CPSF4: variants seen among roughly 807,000 people sequenced by gnomAD.
The protein encoded by CPSF4 is cleavage and polyadenylation specificity factor subunit 4.
CPSF4 carries 11 observed loss-of-function variants against 37.7 expected under a neutral mutation model. The observed-to-expected ratio is 0.29, with a 90% CI of 0.18 to 0.48. CPSF4 has a LOEUF of 0.48. Ranked by LOEUF, CPSF4 falls within the 20% of genes least tolerant of loss-of-function variation. The pLI is 0.99. For synonymous variants in CPSF4, 132 were observed against 135.9 expected, an observed-to-expected ratio of 0.97 and a Z score of 0.20; for missense variants, 144 against 359.5, an observed-to-expected ratio of 0.40 and a Z score of 4.85.
chr7:99,448,148 G>C lies in CPSF4; in HGVS notation c.182G>C (p.Ser61Thr), dbSNP rs563837153. ...KGGMCPFRHI[S>T]GEKTVVCKHW... ...GGCATGTGTCCGTTTCGCCACATCA[G>C]TGGTGAGAAGACAGTTGTGTGCAAA... The change falls in exon 3 of 8, where the codon AGT becomes ACT. Residue 61 changes from serine to threonine, a missense_variant. Transcript: ENST00000292476. The surrounding 1 kb of genome is among the most constrained non-coding windows in gnomAD (Gnocchi z 4.4). The C allele has an allele frequency of 2.5e-6, 4 of 1,614,204 alleles. No individual in the cohort carries two copies. The highest frequency in any genetic ancestry group is 1.7e-5 in the Admixed American group (1 of 60,024).
rs758998260 is a variant in CPSF4 at position 99,450,814 on chromosome 7, C to T, written c.497+19C>T. The stretch of plus-strand genomic sequence containing the variant: ...TCATGCAGTGAGTAGCCAGCTGCTC[C>T]GCCCTCTACCCCAGCTCCCGGCCCA... On this transcript the variant is annotated intron_variant, in intron 5 of 7. Transcript: ENST00000292476. The T allele has an allele frequency of 3.2e-6, 5 of 1,571,756 alleles. No individual in the cohort carries two copies. The highest frequency in any genetic ancestry group is 1.9e-4 in the Middle Eastern group (1 of 5,148).
In CPSF4 at chr7:99,453,843, G is replaced by A. The variant is rs1004401760; in HGVS notation, c.571-123G>A. ...GCTGCCCACTGTCCTGAGGTGGGCC[G>A]TCGTGGAAGCCCTGCTTCCTGCCGT... On this transcript the variant is annotated intron_variant, in intron 6 of 7. Transcript: ENST00000292476. The surrounding 1 kb of genome is among the most constrained non-coding windows in gnomAD (Gnocchi z 4.7). The A allele has an allele frequency of 3.3e-5, 29 of 873,630 alleles. No individual in the cohort carries two copies. Among genetic ancestry groups the A allele is most frequent in the African/African-American group, 3.0e-4 (18 of 59,650 alleles). 54.1% of individuals were successfully genotyped at this position (873,630 alleles called of 1,614,324 possible).
At position 99,453,895 on chromosome 7, in the gene CPSF4, T is replaced by C; in HGVS notation, c.571-71T>C. The stretch of plus-strand genomic sequence containing the variant: ...TGCGGGACGAGTCCCGCCCTCTTTT[T>C]TCCTGTCCCCATCGGTAGTCTGCGT... On this transcript the variant is annotated intron_variant, in intron 6 of 7. Transcript: ENST00000292476. This position sits in a 1 kb window ranked among gnomAD's most constrained non-coding sequence, Gnocchi z 4.7. 1 of 1,485,248 alleles carries C rather than the reference T, an allele frequency of 6.7e-7. No individual in the cohort carries two copies. Among genetic ancestry groups the C allele is most frequent in the South Asian group, 1.2e-5 (1 of 82,260 alleles). The allele number at this position is 1,485,248 out of a possible 1,614,324, so 92.0% of individuals were successfully genotyped here. A position where few individuals can be genotyped will look rare whatever the true frequency, so the allele number is the denominator to read the frequency against.
intron 1 of CPSF4, chr7:99,439,504 C>A: frequency 6.8e-6 from 2 of 293,410 alleles, no homozygotes; most frequent in Non-Finnish European, 1.3e-5. Flanking sequence ...GACTCCCAGG[C>A]CCCCATTTCC....
chr7:99,439,326 A>T, intron 1 of CPSF4, 141 bp downstream of exon 1: 1 of 598,640 alleles, frequency 1.7e-6, no homozygotes. Flanking sequence ...CTTTGGTCGC[A>T]GGACTCCTCC....
In CPSF4 at chr7:99,438,953, GGGCGGCGGC is replaced by G. The variant is rs545009584; in HGVS notation, c.-116_-108del. The G allele has an allele frequency of 1.0e-5, 14 of 1,346,848 alleles. No homozygotes were observed. Among genetic ancestry groups the G allele is most frequent in the Middle Eastern group, 5.3e-4 (2 of 3,774 alleles). 83.4% of individuals were successfully genotyped at this position (1,346,848 alleles called of 1,614,324 possible). ...GCTCCGGGCGCTCCCGGCATCCCTC[GGGCGGCGGC>G]GGCGGCGGCGGCGAGGCGAAGCGAA... On this transcript the variant is annotated 5_prime_UTR_variant, in exon 1 of 8. Transcript: ENST00000292476.
At chr7:99,450,427 C>A in intron 4 of CPSF4, 56 bp downstream of exon 4, 1 of 1,286,740 alleles carries the variant, frequency 7.8e-7, no homozygotes. Context: ...CCTTCTCTGC[C>A]CACGACCCTG....
chr7:99,439,177 G>A lies in CPSF4; in HGVS notation c.95G>A (p.Gly32Asp). The A allele has an allele frequency of 6.2e-7, 1 of 1,603,378 alleles. No homozygotes were observed. Among genetic ancestry groups the A allele is most frequent in the Middle Eastern group, 1.7e-4 (1 of 5,930 alleles). The change falls in exon 1 of 8, where the codon GGC becomes GAC. Residue 32 changes from glycine (G) to aspartate (D), a missense_variant. Gly to Asp is a moderately conservative substitution (Grantham distance 94). Around this residue, in one of 4 missense-constraint regions of CPSF4, gnomAD observed 42 missense variants for 86.4 expected, o/e 0.49. Transcript: ENST00000292476. Reference protein sequence around the residue: ...QLGAQPLPFPGMDKSGAAVCE... With the variant: ...QLGAQPLPFPDMDKSGAAVCE... ...GGGGCGCAGCCGCTGCCCTTCCCCGGCATGGACAGTGAGCGCGGGGCCCGG... is the reference window on the plus strand; with the variant it reads ...GGGGCGCAGCCGCTGCCCTTCCCCGACATGGACAGTGAGCGCGGGGCCCGG...
chr7:99,445,457 G>C (rs572120051), intron 2 of CPSF4, among the ~76,000 whole-genome samples: 1 of 152,008 alleles, frequency 6.6e-6, no homozygotes, highest in African/African-American at 2.4e-5. Context: ...TCCAAACCAC[G>C]AGCAAGACAT....
chr7:99,439,414 T>C, intron 1 of CPSF4: 1 of 472,482 alleles, frequency 2.1e-6, no homozygotes, highest in South Asian at 3.1e-5. Context: ...CCCTCATCTG[T>C]GGTCCCGAGA....
intron 2 of CPSF4, among the ~76,000 whole-genome samples, chr7:99,447,251 G>A (rs1407892481): frequency 6.8e-6 from 1 of 146,910 alleles, no homozygotes; most frequent in East Asian, 2.0e-4. Flanking sequence ...ACCCGGCCAA[G>A]TTCCTTTCTT....
At chr7:99,441,012 G>T (rs1271409135) in intron 1 of CPSF4, among the ~76,000 whole-genome samples, 1 of 144,776 alleles carries the variant, frequency 6.9e-6, no homozygotes, top group African/African-American at 2.6e-5. Flanking sequence ...GTGCAATGGT[G>T]CGATCTCGGC....
chr7:99,440,674 A>ATATATATATATATATATATATTTTTTT, intron 1 of CPSF4, among the ~76,000 whole-genome samples: 1 of 88,086 alleles, frequency 1.1e-5, no homozygotes, highest in African/African-American at 9.7e-5. Flanking sequence ...ATATATATAT[A>ATATATATATATATATATATATTTTTTT]TTTTTTTTTT....
At chr7:99,455,520 A>C (rs1798248706) in intron 7 of CPSF4, among the ~76,000 whole-genome samples, 1 of 152,214 alleles carries the variant, frequency 6.6e-6, no homozygotes, top group Admixed American at 6.5e-5. Flanking sequence ...CCAACATAGA[A>C]GAAAGAAAAC....
chr7:99,456,270 A>G (rs775081182), intron 7 of CPSF4, 162 bp from the exon 8 acceptor site: 4 of 659,292 alleles, frequency 6.1e-6, no homozygotes, highest in African/African-American at 5.4e-5. Flanking sequence ...CTCACCCTCT[A>G]ATTTGAAAGA....
chr7:99,453,729 T>G lies in CPSF4; in HGVS notation c.571-237T>G. ...GAGACCTCCTCTTGTCTCTTTGATG[T>G]TTTGTTTTCTATTTTATTTTTCGTT... is the stretch of plus-strand genomic sequence containing the variant. On this transcript the variant is annotated intron_variant, in intron 6 of 7. Transcript: ENST00000292476. This position sits in a 1 kb window ranked among gnomAD's most constrained non-coding sequence, Gnocchi z 4.7. 8.3e-6 allele frequency: 4 copies of G among 481,982 alleles called. No individual in the cohort carries two copies. The highest frequency in any genetic ancestry group is 4.0e-5 in the Admixed American group (1 of 25,136). 29.9% of individuals were successfully genotyped at this position (481,982 alleles called of 1,614,324 possible).
At chr7:99,444,394 T>C (rs573065007) in intron 1 of CPSF4, among the ~76,000 whole-genome samples, 1 of 152,146 alleles carries the variant, frequency 6.6e-6, no homozygotes, top group African/African-American at 2.4e-5. Flanking sequence ...GAGGCAGAGA[T>C]TGCAGTGAGC....
At chr7:99,451,565 A>C (rs1027585405) in intron 5 of CPSF4, among the ~76,000 whole-genome samples, 3 of 152,262 alleles carry the variant, frequency 2.0e-5, no homozygotes, top group African/African-American at 4.8e-5. Flanking sequence ...ACATCGTGCC[A>C]CTGCACTCCA....
chr7:99,450,473 C>G, intron 4 of CPSF4, 102 bp downstream of exon 4: 1 of 840,118 alleles, frequency 1.2e-6, no homozygotes, highest in Non-Finnish European at 1.9e-6. Flanking sequence ...CCAGCAAAAC[C>G]TGACATTCTG....
Sources: allele counts gnomAD v4.1 joint callset (sites outside exome capture counted in the v4.1 genomes callset), GRCh38; gene constraint gnomAD v4.1.1; regional missense constraint gnomAD v4.1.1; non-coding constraint Gnocchi (gnomAD v3.1); transcripts MANE v1.5; gene names NCBI Gene and HGNC (gene_info 2026-07-23, HGNC 2026-07-21).